Variants in PDE7B observed in about 807,000 individuals in gnomAD.
PDE7B encodes phosphodiesterase 7B.
In PDE7B, 29 loss-of-function variants were observed where a neutral mutation model predicts 56.2. That is an observed-to-expected ratio of 0.52 (90% confidence interval 0.38 to 0.70). PDE7B has a LOEUF of 0.70. Ranked by LOEUF, PDE7B falls within the 30% of genes least tolerant of loss-of-function variation. The pLI, the probability that PDE7B is intolerant of heterozygous loss-of-function variation, is 0.00. For missense variants in PDE7B, 490 were observed against 565.0 expected, an observed-to-expected ratio of 0.87 and a Z score of 1.35; for synonymous variants, 197 against 196.9, an observed-to-expected ratio of 1.00 and a Z score of 0.00.
At chr6:136,120,728 A>G (rs1419923088) in intron 3 of PDE7B, among the ~76,000 whole-genome samples, 1 of 152,174 alleles carries the variant, frequency 6.6e-6, no homozygotes, top group Non-Finnish European at 1.5e-5. Context: ...TTGTGGCACT[A>G]TATGTCAGTA....
At position 136,183,084 on chromosome 6, in the gene PDE7B, A is replaced by C. The variant is rs985130086; in HGVS notation, c.1045+1761A>C. Among the ~76,000 whole-genome samples the C allele has an allele frequency of 3.9e-5, 6 of 152,038 alleles. No homozygotes were observed. In the South Asian group the frequency reaches 1.2e-3, roughly 32 times the overall value. On this transcript the variant is annotated intron_variant, in intron 11 of 12. Transcript: ENST00000308191. Reference sequence around the variant, plus strand: ...AAGACTCCGTCTCCAAAAAAAAAAAAAAAAAAACCCTTTTCTCAAAACTGC... The same window carrying C: ...AAGACTCCGTCTCCAAAAAAAAAAACAAAAAAACCCTTTTCTCAAAACTGC...
At chr6:135,859,617 A>G (rs1467873265) in intron 1 of PDE7B, among the ~76,000 whole-genome samples, 1 of 152,116 alleles carries the variant, frequency 6.6e-6, no homozygotes, top group Non-Finnish European at 1.5e-5. Flanking sequence ...TAAATAAAAT[A>G]ATTGAGAAAT....
At chr6:135,923,877 C>A (rs1662817943) in intron 1 of PDE7B, among the ~76,000 whole-genome samples, 2 of 151,930 alleles carry the variant, frequency 1.3e-5, no homozygotes, top group Non-Finnish European at 2.9e-5. Flanking sequence ...CAGTTGTTAC[C>A]AAGAGTAGAA....
At chr6:136,009,437 T>G (rs1775849902) in intron 2 of PDE7B, among the ~76,000 whole-genome samples, 1 of 152,050 alleles carries the variant, frequency 6.6e-6, no homozygotes, top group Non-Finnish European at 1.5e-5. Flanking sequence ...GTATGGCCAT[T>G]TTCACGATAT....
At chr6:136,114,774 G>A (rs1365978609) in intron 3 of PDE7B, 1 of 152,200 alleles carries the variant, frequency 6.6e-6, no homozygotes, top group Admixed American at 6.5e-5. Flanking sequence ...CCTCACACTT[G>A]TGAGTGCCAA....
chr6:135,887,754 C>G (rs1406535270), intron 1 of PDE7B, among the ~76,000 whole-genome samples: 2 of 152,136 alleles, frequency 1.3e-5, no homozygotes, highest in African/African-American at 4.8e-5. Context: ...CTTAGTTGGT[C>G]TAAATAAGCA....
intron 2 of PDE7B, among the ~76,000 whole-genome samples, chr6:136,072,012 G>A (rs899748833): frequency 6.6e-6 from 1 of 152,056 alleles, no homozygotes; most frequent in Non-Finnish European, 1.5e-5. Flanking sequence ...CCCTACAACA[G>A]TGCCTTAAAA....
intron 2 of PDE7B, among the ~76,000 whole-genome samples, chr6:135,992,230 CA>C (rs1342322732): frequency 5.3e-5 from 8 of 150,158 alleles, no homozygotes; most frequent in African/African-American, 2.0e-4. Context: ...AAAAAAATCG[CA>C]AAAATCTCAT....
chr6:135,918,393 T>C (rs1773999297), intron 1 of PDE7B, among the ~76,000 whole-genome samples: 1 of 152,214 alleles, frequency 6.6e-6, no homozygotes, highest in African/African-American at 2.4e-5. Flanking sequence ...TATTTTGTCA[T>C]GGCTGGGAAT....
At chr6:136,009,247 A>AC (rs1454419113) in intron 2 of PDE7B, among the ~76,000 whole-genome samples, 2 of 151,688 alleles carry the variant, frequency 1.3e-5, no homozygotes, top group East Asian at 3.9e-4. Context: ...GCCTTGTAGT[A>AC]TAGTTTGAAG....
chr6:135,974,657 A>C (rs1775152689), intron 2 of PDE7B, among the ~76,000 whole-genome samples: 1 of 152,244 alleles, frequency 6.6e-6, no homozygotes, highest in Non-Finnish European at 1.5e-5. Context: ...GATTATATCT[A>C]GGCAGTTACA....
rs986133914 is a variant in PDE7B, at chr6:136,192,077, C to T, written c.*237C>T. On this transcript the variant is annotated 3_prime_UTR_variant, in exon 13 of 13. Coordinates refer to ENST00000308191, the MANE Select transcript of PDE7B (RefSeq NM_018945.4). ...GCAACTCCATTCAGTAACGTGGGAG[C>T]TGATCCCACGGGCAGGCTCTCCCTG... The T allele has an allele frequency of 5.9e-5, 32 of 538,076 alleles. No individual in the cohort carries two copies. Among genetic ancestry groups the T allele is most frequent in the Non-Finnish European group, 8.7e-5 (26 of 297,348 alleles). 33.3% of individuals were successfully genotyped at this position (538,076 alleles called of 1,614,324 possible).
At position 136,149,106 on chromosome 6, in the gene PDE7B, G is replaced by C; in HGVS notation, c.338G>C (p.Gly113Ala). The C allele has an allele frequency of 1.2e-6, 2 of 1,612,996 alleles. No individual in the cohort carries two copies. The highest frequency in any genetic ancestry group is 1.7e-4 in the Middle Eastern group (1 of 6,058). ...GQARHMLSKV[G>A]MWDFDIFLFD... Reference sequence around the variant, plus strand: ...TTTCAGCATATGCTCTCCAAAGTGGGAATGTGGGATTTTGACATTTTCTTG... The same window carrying C: ...TTTCAGCATATGCTCTCCAAAGTGGCAATGTGGGATTTTGACATTTTCTTG... Residue 113 changes from glycine to alanine, a missense_variant, in exon 5 of 13, where the codon GGA (glycine) becomes GCA (alanine). Gly to Ala is a moderately conservative substitution (Grantham distance 60, BLOSUM62 0). Coordinates refer to ENST00000308191, the MANE Select transcript of PDE7B (RefSeq NM_018945.4).
intron 1 of PDE7B, among the ~76,000 whole-genome samples, chr6:135,913,714 AC>A (rs1452938236): frequency 6.6e-6 from 1 of 152,106 alleles, no homozygotes; most frequent in African/African-American, 2.4e-5. Flanking sequence ...CTTTAATAAA[AC>A]CCTAGTTTTT....
chr6:136,125,430 G>T (rs993167031), intron 3 of PDE7B, among the ~76,000 whole-genome samples: 1 of 151,994 alleles, frequency 6.6e-6, no homozygotes, highest in Non-Finnish European at 1.5e-5. Context: ...CAGGCATGGT[G>T]GTGCACACAT....
intron 1 of PDE7B, among the ~76,000 whole-genome samples, chr6:135,907,206 G>A (rs776232440): frequency 1.3e-5 from 2 of 152,132 alleles, no homozygotes; most frequent in South Asian, 4.1e-4. Flanking sequence ...GCAGGATTTA[G>A]GAGTCAGCCA....
intron 1 of PDE7B, among the ~76,000 whole-genome samples, chr6:135,919,841 C>T (rs1774036735): frequency 6.6e-6 from 1 of 152,182 alleles, no homozygotes; most frequent in South Asian, 2.1e-4. Context: ...AACAGTGCCC[C>T]TCACATTGTA....
chr6:135,992,816 A>G (rs1300890478), intron 2 of PDE7B, among the ~76,000 whole-genome samples: 7 of 152,242 alleles, frequency 4.6e-5, no homozygotes, highest in African/African-American at 1.2e-4. Flanking sequence ...ACTCTGTTCC[A>G]TAAGTGGGAA....
intron 1 of PDE7B, among the ~76,000 whole-genome samples, chr6:135,927,036 A>C (rs1774205260): frequency 6.6e-6 from 1 of 152,352 alleles, no homozygotes. Flanking sequence ...CTATTCATCT[A>C]ACATACTTGT....
Sources: allele counts gnomAD v4.1 joint callset (sites outside exome capture counted in the v4.1 genomes callset), GRCh38; gene constraint gnomAD v4.1.1; transcripts MANE v1.5; gene names NCBI Gene and HGNC (gene_info 2026-07-23, HGNC 2026-07-21).